ZAP70: variants seen among roughly 807,000 people sequenced by gnomAD.
The protein encoded by ZAP70 is tyrosine-protein kinase ZAP-70.
In ZAP70, 27 loss-of-function variants were observed where a neutral mutation model predicts 65.8. The observed-to-expected ratio is 0.41, with a 90% CI of 0.30 to 0.57. ZAP70 has a LOEUF of 0.57. Ranked by LOEUF, ZAP70 falls within the 20% of genes least tolerant of loss-of-function variation. The pLI is 0.28. For synonymous variants in ZAP70, 363 were observed against 360.8 expected (o/e 1.01, Z -0.07); for missense variants, 696 against 870.5 (o/e 0.80, Z 2.52).
At chr2:97,735,482 C>A in intron 10 of ZAP70, 26 bp downstream of exon 10, 1 of 1,092,302 alleles carries the variant, frequency 9.2e-7, no homozygotes, top group South Asian at 1.2e-5. Context: ...GCCCGGCCAT[C>A]GGGTGGGTGG....
chr2:97,755,272 C>T, the ZAP70 span, among the ~76,000 whole-genome samples: 1 of 152,004 alleles, frequency 6.6e-6, no homozygotes, highest in African/African-American at 2.4e-5. Flanking sequence ...GGAAAAGGGT[C>T]AACACACTTC....
chr2:97,732,095 G>A (rs1053591927), intron 4 of ZAP70, among the ~76,000 whole-genome samples: 7 of 152,038 alleles, frequency 4.6e-5, no homozygotes, highest in African/African-American at 9.7e-5. Flanking sequence ...GGGCTGGAGC[G>A]GATGGGGGGA....
intron 4 of ZAP70, among the ~76,000 whole-genome samples, 191 bp downstream of exon 4, chr2:97,725,443 G>A (rs1677349664): frequency 6.6e-6 from 1 of 152,208 alleles, no homozygotes; most frequent in African/African-American, 2.4e-5. Flanking sequence ...GACTAGGAAA[G>A]CCTCCAGACT....
At chr2:97,755,349 A>AAGTC in the ZAP70 span, among the ~76,000 whole-genome samples, 1 of 152,188 alleles carries the variant, frequency 6.6e-6, no homozygotes, top group African/African-American at 2.4e-5. Context: ...AGGCTTGGCT[A>AAGTC]AGTCATTTCC....
Position 97,734,574 on chromosome 2 carries a change from A to G in ZAP70, c.944A>G (p.Tyr315Cys). The change falls in exon 9 of 14, where the codon TAT becomes TGT. Residue 315 changes from tyrosine (Y) to cysteine (C), a missense_variant. Physicochemically the swap from Tyr to Cys is radical, Grantham distance 194 (BLOSUM62 -2). Transcript: ENST00000264972. ...CCGATGCCCATGGACACGAGCGTGT[A>G]TGAGAGCCCCTACAGCGACCCAGAG... Reference protein sequence around the residue: ...PRPMPMDTSVYESPYSDPEEL... With the variant: ...PRPMPMDTSVCESPYSDPEEL... The G allele has an allele frequency of 6.2e-7, 1 of 1,614,180 alleles. No individual in the cohort carries two copies. Among genetic ancestry groups the G allele is most frequent in the Non-Finnish European group, 8.5e-7 (1 of 1,180,024 alleles).
At position 97,738,069 on chromosome 2, in the gene ZAP70, C is replaced by T. The variant is rs201114954; in HGVS notation, c.1698C>T (p.Pro566=). Residue 566 remains proline, a synonymous_variant, in exon 13 of 14, where the codon CCC becomes CCT. Coordinates refer to ENST00000264972, the MANE Select transcript of ZAP70 (RefSeq NM_001079.4). ...KRMECPPECP[P]ELYALMSDCW... ...TGGAGTGCCCACCAGAGTGTCCACC[C>T]GAACTGTACGCACTCATGAGTGACT... 1.2e-4 allele frequency: 190 copies of T among 1,609,954 alleles called. No individual in the cohort carries two copies. The highest frequency in any genetic ancestry group is 1.6e-4 in the Middle Eastern group (1 of 6,078).
rs200657599 is a variant in ZAP70, at chr2:97,739,666, G to C, written c.*168G>C. 1.8e-6 allele frequency: 2 copies of C among 1,102,238 alleles called. No homozygotes were observed. The highest frequency in any genetic ancestry group is 2.6e-6 in the Non-Finnish European group (2 of 781,480). The allele number at this position is 1,102,238 out of a possible 1,614,324, so 68.3% of individuals were successfully genotyped here. A position where few individuals can be genotyped will look rare whatever the true frequency, so the allele number is the denominator to read the frequency against. ...CCTTGCATTGCCTGCCTGGCCCCCT[G>C]TCCTCTCTGGCTGGGGAGCAGGGAG... On this transcript the variant is annotated 3_prime_UTR_variant, in exon 14 of 14. Transcript: ENST00000264972.
intron 9 of ZAP70, 70 bp from the exon 10 acceptor site, chr2:97,735,180 G>A (rs1001811962): frequency 1.3e-6 from 2 of 1,564,222 alleles, no homozygotes; most frequent in Admixed American, 3.4e-5. Flanking sequence ...AGAGATGGGT[G>A]GGTGGGGGTG....
intron 2 of ZAP70, among the ~76,000 whole-genome samples, chr2:97,714,873 G>A (rs545150093): frequency 4.6e-5 from 7 of 152,148 alleles, no homozygotes; most frequent in South Asian, 4.1e-4. Flanking sequence ...GCAGTGTTGC[G>A]GGGGTGGTGT....
chr2:97,722,287 A>G lies in ZAP70; in HGVS notation c.-21-1729A>G, dbSNP rs553697866. On this transcript the variant is annotated intron_variant, in intron 2 of 13. Coordinates refer to ENST00000264972, the MANE Select transcript of ZAP70 (RefSeq NM_001079.4). ...GGTGGAGACGGGGTTTCACCATGTT[A>G]GCCAGGCTGGTCTCGAACTGCTGGT... Among the ~76,000 whole-genome samples, 5 of 149,938 alleles carry G rather than the reference A, an allele frequency of 3.3e-5. No homozygotes were observed. The East Asian group carries it at 1.0e-3, about 30-fold the overall frequency.
In ZAP70 at chr2:97,737,650, C is replaced by T. The variant is rs55997284; in HGVS notation, c.1467C>T (p.Asp489=). The T allele has an allele frequency of 1.4e-3, 2,276 of 1,614,082 alleles. 5 individuals are homozygous for T. The highest frequency in any genetic ancestry group is 1.7e-3 in the Non-Finnish European group (2,006 of 1,179,994). The change falls in exon 11 of 14, where the codon GAC becomes GAT. Residue 489 remains aspartate (D), a synonymous_variant. Transcript: ENST00000264972. This position sits in a 1 kb window ranked among gnomAD's most constrained non-coding sequence, Gnocchi z 5.0. ...DFGLSKALGA[D]DSYYTARSAG... is the part of the protein sequence containing the mutation. ...GCCTCTCCAAAGCACTGGGTGCCGA[C>T]GACAGCTACTACACTGTAAGCCTCT...
chr2:97,754,307 CG>C, the ZAP70 span, among the ~76,000 whole-genome samples: 664 of 151,664 alleles, frequency 4.4e-3, 3 homozygotes, highest in East Asian at 0.03. Context: ...GGAGTTTGGT[CG>C]GGGGGGGTCT....
At chr2:97,738,227 T>C (rs1677993576) in intron 13 of ZAP70, 120 bp downstream of exon 13, 1 of 1,047,224 alleles carries the variant, frequency 9.5e-7, no homozygotes, top group Non-Finnish European at 1.4e-6. Context: ...TTCACCCAGT[T>C]CATAGCCTTT....
intron 2 of ZAP70, among the ~76,000 whole-genome samples, chr2:97,720,778 C>A (rs751171560): frequency 2.0e-4 from 30 of 152,160 alleles, no homozygotes; most frequent in Non-Finnish European, 2.9e-4. Flanking sequence ...CATCCAGGAC[C>A]CCCCTCAAGC....
the ZAP70 span, among the ~76,000 whole-genome samples, chr2:97,748,938 C>T: frequency 2.0e-5 from 3 of 151,708 alleles, no homozygotes; most frequent in South Asian, 2.1e-4. Flanking sequence ...TTCTTAGGTC[C>T]GTGACGGTTT....
At chr2:97,734,818 G>C in intron 9 of ZAP70, 106 bp downstream of exon 9, 1 of 1,476,666 alleles carries the variant, frequency 6.8e-7, no homozygotes, top group South Asian at 1.2e-5. Context: ...ACAGCAGTTT[G>C]CCTGGGAAAC....
chr2:97,753,839 A>G, the ZAP70 span, among the ~76,000 whole-genome samples: 1 of 152,078 alleles, frequency 6.6e-6, no homozygotes, highest in Admixed American at 6.5e-5. Context: ...ATAAAAAAAA[A>G]TTAGCCAGAT....
At position 97,735,414 on chromosome 2, in the gene ZAP70, T is replaced by C; in HGVS notation, c.1247T>C (p.Met416Thr). 1 of 1,572,000 alleles carries C rather than the reference T, an allele frequency of 6.4e-7. No individual in the cohort carries two copies. Among genetic ancestry groups the C allele is most frequent in the Non-Finnish European group, 8.7e-7 (1 of 1,156,032 alleles). Reference protein sequence around the residue: ...QAEALMLVMEMAGGGPLHKFL... With the variant: ...QAEALMLVMETAGGGPLHKFL... Reference sequence around the variant, plus strand: ...GAGGCCCTCATGCTGGTCATGGAGATGGCTGGGGGCGGGCCGCTGCACAAG... The same window carrying C: ...GAGGCCCTCATGCTGGTCATGGAGACGGCTGGGGGCGGGCCGCTGCACAAG... The change falls in exon 10 of 14, where the codon ATG becomes ACG. Residue 416 changes from methionine to threonine, a missense_variant. Coordinates refer to ENST00000264972, the MANE Select transcript of ZAP70 (RefSeq NM_001079.4).
At chr2:97,747,815 G>GTTTTTTTTTTTTTTTTTTTTTTTTTTT in the ZAP70 span, among the ~76,000 whole-genome samples, 1 of 54,746 alleles carries the variant, frequency 1.8e-5, no homozygotes, top group African/African-American at 8.8e-5. Context: ...CTGGCACGAG[G>GTTTTTTTTTTTTTTTTTTTTTTTTTTT]TTTTTTTTTT....
Sources: allele counts gnomAD v4.1 joint callset (sites outside exome capture counted in the v4.1 genomes callset), GRCh38; gene constraint gnomAD v4.1.1; non-coding constraint Gnocchi (gnomAD v3.1); transcripts MANE v1.5; gene names NCBI Gene and HGNC (gene_info 2026-07-23, HGNC 2026-07-21).